Variants in CAPN2 observed in about 807,000 individuals in gnomAD.
CAPN2 encodes the protein calpain-2 catalytic subunit.
Under a neutral mutation model 102.3 loss-of-function variants are expected in CAPN2, and 92 were observed. The observed-to-expected ratio is 0.90, with a 90% confidence interval of 0.76 to 1.07. CAPN2 has a LOEUF of 1.07. CAPN2 is among the 50% of genes least tolerant of loss of function. The pLI, the probability that CAPN2 is intolerant of heterozygous loss-of-function variation, is 0.00. For missense variants in CAPN2, 800 were observed against 909.4 expected (o/e 0.88, Z 1.55); for synonymous variants, 340 against 355.4 (o/e 0.96, Z 0.49).
In CAPN2 at chr1:223,725,877, G is replaced by A. The variant is rs1254232856; in HGVS notation, c.307+8046G>A. 6.6e-6 allele frequency among the ~76,000 whole-genome samples: 1 copy of A among 152,148 alleles called. No homozygotes were observed. Among genetic ancestry groups the A allele is most frequent in the African/African-American group, 2.4e-5 (1 of 41,422 alleles). On this transcript the variant is annotated intron_variant, in intron 2 of 20. Coordinates refer to ENST00000295006, the MANE Select transcript of CAPN2 (RefSeq NM_001748.5). The surrounding 1 kb of genome is among the most constrained non-coding windows in gnomAD (Gnocchi z 4.1). ...GCCATAAGTTTCCACTCACCCATCT[G>A]CGAAATGGGAACAATGACGATGTTT...
intron 4 of CAPN2, among the ~76,000 whole-genome samples, chr1:223,745,897 C>G: frequency 6.6e-6 from 1 of 152,250 alleles, no homozygotes; most frequent in East Asian, 1.9e-4. Flanking sequence ...ATGGGCAGAA[C>G]TATTCATTGC....
At chr1:223,702,056 AG>A (rs1659487351) in intron 1 of CAPN2, among the ~76,000 whole-genome samples, 1 of 34,802 alleles carries the variant, frequency 2.9e-5, no homozygotes, top group African/African-American at 1.3e-4. Flanking sequence ...GGAAGAAGGA[AG>A]GAAGGAAGGG....
In CAPN2 at chr1:223,745,392, C is replaced by T. The variant is rs3738377; in HGVS notation, c.513C>T (p.Ala171=). The T allele has an allele frequency of 6.4e-3, 10,267 of 1,614,158 alleles. 517 individuals carry two copies. In the East Asian group the frequency reaches 0.15, roughly 23 times the overall value. The part of the protein sequence containing the change: ...KDGELLFVHS[A]EGSEFWSALL... ...GGGAGCTGCTCTTTGTGCATTCAGC[C>T]GAAGGGAGCGAGTTCTGGAGCGCCC... The change falls in exon 4 of 21, where the codon GCC becomes GCT. Residue 171 remains alanine (A), a synonymous_variant. Coordinates refer to ENST00000295006, the MANE Select transcript of CAPN2 (RefSeq NM_001748.5).
chr1:223,749,277 G>T, intron 6 of CAPN2, 155 bp downstream of exon 6: 1 of 655,204 alleles, frequency 1.5e-6, no homozygotes, highest in Non-Finnish European at 2.6e-6. Context: ...GAGGAGAAGG[G>T]CGTCCCTTTC....
chr1:223,734,167 C>T (rs1350524374), intron 2 of CAPN2, among the ~76,000 whole-genome samples: 4 of 152,210 alleles, frequency 2.6e-5, no homozygotes, highest in Non-Finnish European at 4.4e-5. Context: ...TCCACAGTCC[C>T]GGCTGGAGAC....
At chr1:223,717,674 T>A (rs1659913370) in intron 1 of CAPN2, 88 bp from the exon 2 acceptor site, 6 of 1,006,038 alleles carry the variant, frequency 6.0e-6, no homozygotes, top group Non-Finnish European at 9.5e-6. Context: ...GGAGAAGGGG[T>A]TAGAAGACCC....
At chr1:223,764,363 G>T (rs1402570189) in intron 15 of CAPN2, among the ~76,000 whole-genome samples, 156 bp downstream of exon 15, 3 of 152,188 alleles carry the variant, frequency 2.0e-5, no homozygotes, top group African/African-American at 7.2e-5. Flanking sequence ...ATGATGTGAT[G>T]AAAAAGAACA....
chr1:223,710,876 C>A (rs568851600), upstream of CAPN2, among the ~76,000 whole-genome samples: 1 of 116,606 alleles, frequency 8.6e-6, no homozygotes, highest in Non-Finnish European at 1.6e-5. Context: ...CAATGTATTT[C>A]TTAAATGTAC....
At chr1:223,724,108 C>G (rs1005058311) in intron 2 of CAPN2, among the ~76,000 whole-genome samples, 4 of 152,180 alleles carry the variant, frequency 2.6e-5, no homozygotes, top group African/African-American at 9.7e-5. Context: ...CCCACTACTT[C>G]TGACATTCTG....
intron 7 of CAPN2, 87 bp downstream of exon 7, chr1:223,751,062 G>A (rs1426460934): frequency 3.5e-6 from 4 of 1,148,386 alleles, no homozygotes; most frequent in Middle Eastern, 2.3e-4. Context: ...GAAGACATGT[G>A]CATTATTCTG....
At chr1:223,753,308 T>C (rs972228508) in intron 9 of CAPN2, among the ~76,000 whole-genome samples, 1 of 152,208 alleles carries the variant, frequency 6.6e-6, no homozygotes, top group Non-Finnish European at 1.5e-5. Flanking sequence ...TTCACGGCCA[T>C]GAGCTGCTCT....
rs1029804893 is a variant in CAPN2 at position 223,739,670 on chromosome 1, C to A, written c.308-4430C>A. Among the ~76,000 whole-genome samples, 4 of 152,164 alleles carry A rather than the reference C, an allele frequency of 2.6e-5. No individual in the cohort carries two copies. In the East Asian group the frequency reaches 7.7e-4, roughly 29 times the overall value. ...CCAAAATTTTTGTGTGACTGGAGAG[C>A]AGAGCCCTCCTCCAAAAATAAAATG... On this transcript the variant is annotated intron_variant, in intron 2 of 20. Coordinates refer to ENST00000295006, the MANE Select transcript of CAPN2 (RefSeq NM_001748.5).
intron 11 of CAPN2, chr1:223,758,833 C>G (rs1271835820): frequency 4.0e-6 from 1 of 250,096 alleles, no homozygotes; most frequent in Non-Finnish European, 7.8e-6. Context: ...GCTGAGACTA[C>G]AGGCGCTTGC....
At position 223,726,438 on chromosome 1, in the gene CAPN2, G is replaced by T. The variant is rs1483946076; in HGVS notation, c.307+8607G>T. Among the ~76,000 whole-genome samples the T allele has an allele frequency of 2.0e-5, 3 of 152,162 alleles. No homozygotes were observed. The highest frequency in any genetic ancestry group is 7.2e-5 in the African/African-American group (3 of 41,432). On this transcript the variant is annotated intron_variant, in intron 2 of 20. Coordinates refer to ENST00000295006, the MANE Select transcript of CAPN2 (RefSeq NM_001748.5). This position sits in a 1 kb window ranked among gnomAD's most constrained non-coding sequence, Gnocchi z 4.4. ...GCGATGGCCCAGGAGGGTCAGGGCT[G>T]CAGGGAACAGGGACACAAAAACGAC...
intron 2 of CAPN2, among the ~76,000 whole-genome samples, chr1:223,737,721 G>GGGGA (rs146144248): frequency 1.1e-4 from 8 of 70,192 alleles, no homozygotes; most frequent in Admixed American, 3.9e-4. Flanking sequence ...GGGTGGGGGG[G>GGGGA]AGAGAATACA....
At chr1:223,722,001 G>A (rs1660061106) in intron 2 of CAPN2, among the ~76,000 whole-genome samples, 1 of 152,152 alleles carries the variant, frequency 6.6e-6, no homozygotes, top group South Asian at 2.1e-4. Context: ...AAAGAGGATG[G>A]TGGAGGAAGA....
chr1:223,739,594 A>G (rs1660560623), intron 2 of CAPN2, among the ~76,000 whole-genome samples: 1 of 152,200 alleles, frequency 6.6e-6, no homozygotes, highest in African/African-American at 2.4e-5. Context: ...CTGTTCAGAC[A>G]GTCCTCTGAG....
chr1:223,732,353 C>T (rs1024822667), intron 2 of CAPN2, among the ~76,000 whole-genome samples: 1 of 152,304 alleles, frequency 6.6e-6, no homozygotes, highest in Non-Finnish European at 1.5e-5. Context: ...CTGATGATTG[C>T]CCATTTTTAT....
chr1:223,707,865 C>T (rs1558377059), upstream of CAPN2, among the ~76,000 whole-genome samples: 1 of 152,226 alleles, frequency 6.6e-6, no homozygotes, highest in Non-Finnish European at 1.5e-5. Context: ...ATGACCTCCA[C>T]CTGCCTGGGA....
Sources: gnomAD v4.1 joint callset for allele counts (sites outside exome capture counted in the v4.1 genomes callset) on GRCh38, gnomAD v4.1.1 for gene constraint, Gnocchi (gnomAD v3.1) non-coding constraint, MANE v1.5 for transcripts, NCBI Gene and HGNC (gene_info 2026-07-23, HGNC 2026-07-21) for gene names.